MID1: variants seen among roughly 807,000 people sequenced by gnomAD.
MID1 encodes the protein midline 1.
MID1 carries 7 observed loss-of-function variants against 40.4 expected under a neutral mutation model. The ratio of observed to expected loss-of-function variants is 0.17; its 90% CI spans 0.10 to 0.33. The LOEUF is 0.33. MID1 is among the 10% of genes least tolerant of loss of function. MID1 has a pLI of 1.00. For missense variants in MID1, 367 were observed against 558.5 expected (o/e 0.66, Z 3.46); for synonymous variants, 229 against 221.2 (o/e 1.04, Z -0.31).
At chrX:10,810,696 C>CTCTG (rs1555926591) in intron 1 of MID1, among the ~76,000 whole-genome samples, 207 of 101,119 alleles carry the variant, frequency 2.0e-3, no homozygotes, top group African/African-American at 4.5e-3. Flanking sequence ...GTTGTTTTCT[C>CTCTG]TGTGTGTGTG....
At position 10,561,353 on chromosome X, in the gene MID1, C is replaced by A. The variant is rs781389797; in HGVS notation, c.660+5535G>T. Among the ~76,000 whole-genome samples the A allele has an allele frequency of 6.5e-4, 69 of 106,710 alleles. 6 individuals carry two copies. Among genetic ancestry groups the A allele is most frequent in the African/African-American group, 2.4e-3 (65 of 26,665 alleles). 92.7% of individuals were successfully genotyped at this position (106,710 alleles called of 115,157 possible). A position where few individuals can be genotyped will look rare whatever the true frequency, so the allele number is the denominator to read the frequency against. The stretch of plus-strand genomic sequence containing the variant: ...ACACCAAAAGCAATGGCAACAAAAG[C>A]CAAAATTGACAAATGGGATCTAATT... On this transcript the variant is annotated intron_variant, in intron 2 of 9. Transcript: ENST00000317552.
intron 1 of MID1, among the ~76,000 whole-genome samples, chrX:10,787,687 A>T (rs951101122): frequency 1.4e-4 from 14 of 103,410 alleles, no homozygotes; most frequent in African/African-American, 4.9e-4. Flanking sequence ...CTGGGATTAC[A>T]GGTCTGAGCC....
chrX:10,639,809 C>T (rs1211876014), intron 1 of MID1, among the ~76,000 whole-genome samples: 1 of 112,194 alleles, frequency 8.9e-6, no homozygotes, highest in African/African-American at 3.2e-5. Context: ...AGACTAACAG[C>T]TGATCTGTCG....
intron 1 of MID1, among the ~76,000 whole-genome samples, chrX:10,832,808 C>T (rs2044261187): frequency 8.9e-6 from 1 of 112,045 alleles, no homozygotes; most frequent in South Asian, 3.7e-4. Flanking sequence ...CCCTGCAAGT[C>T]TGTTAAACAC....
chrX:10,457,303 C>T (rs190663915), intron 8 of MID1, among the ~76,000 whole-genome samples: 1 of 111,391 alleles, frequency 9.0e-6, no homozygotes, highest in African/African-American at 3.3e-5. Flanking sequence ...CACACCCTCA[C>T]CCACGCATGT....
chrX:10,789,544 A>G (rs765875542), intron 1 of MID1, among the ~76,000 whole-genome samples: 16 of 112,367 alleles, frequency 1.4e-4, no homozygotes, highest in Non-Finnish European at 2.6e-4. Context: ...GTACAGTCAC[A>G]TGCTGTGCAG....
chrX:10,688,171 A>T (rs899912046), intron 1 of MID1, among the ~76,000 whole-genome samples: 4 of 112,074 alleles, frequency 3.6e-5, no homozygotes, highest in Non-Finnish European at 7.5e-5. Context: ...ACATTTTTTT[A>T]AAATCTCTTT....
chrX:10,783,009 C>T (rs1339268031), intron 1 of MID1, among the ~76,000 whole-genome samples: 1 of 112,120 alleles, frequency 8.9e-6, no homozygotes. Flanking sequence ...GATCAACAAT[C>T]TTTCCACCAC....
intron 1 of MID1, among the ~76,000 whole-genome samples, chrX:10,817,344 C>G (rs1190779878): frequency 1.8e-5 from 2 of 111,429 alleles, no homozygotes; most frequent in Non-Finnish European, 1.9e-5. Context: ...GCAAAACAAA[C>G]AAATCATTTG....
intron 2 of MID1, among the ~76,000 whole-genome samples, chrX:10,565,630 CTTTCT>C (rs975001587): frequency 1.8e-5 from 2 of 111,375 alleles, no homozygotes; most frequent in Admixed American, 9.5e-5. Context: ...TTTATACTTC[CTTTCT>C]TTTAATTGGT....
intron 1 of MID1, among the ~76,000 whole-genome samples, chrX:10,616,106 C>T (rs894808311): frequency 1.8e-5 from 2 of 111,975 alleles, no homozygotes; most frequent in African/African-American, 6.5e-5. Flanking sequence ...CTTCCGACCA[C>T]GGGAACTTCA....
rs1929915839 is a variant in MID1 at position 10,474,894 on chromosome X, A to T, written c.1014-144T>A. The T allele has an allele frequency of 5.4e-6, 3 of 553,268 alleles. No homozygotes were observed. The African/African-American group carries it at 6.8e-5, about 13-fold the overall frequency. 45.6% of individuals were successfully genotyped at this position (553,268 alleles called of 1,213,427 possible). On this transcript the variant is annotated intron_variant, in intron 5 of 9. Transcript: ENST00000317552. ...GTTTTAAGAGGCATCTCAAAATGTC[A>T]CAACACAGTAACATAAAACAAATGA... is the stretch of plus-strand genomic sequence containing the variant.
chrX:10,711,134 C>T (rs7065470), intron 1 of MID1, among the ~76,000 whole-genome samples: 10,823 of 111,347 alleles, frequency 0.097, 844 homozygotes, highest in African/African-American at 0.26. Flanking sequence ...TTTTAGTACC[C>T]TTCCTCCCTT....
chrX:10,811,295 T>C (rs758823425), intron 1 of MID1, among the ~76,000 whole-genome samples: 2 of 112,337 alleles, frequency 1.8e-5, no homozygotes, highest in Admixed American at 9.5e-5. Flanking sequence ...GACTGCGTAA[T>C]TTGGTTTTAC....
intron 1 of MID1, among the ~76,000 whole-genome samples, chrX:10,768,636 A>G (rs1602566302): frequency 1.8e-5 from 2 of 111,556 alleles, no homozygotes; most frequent in African/African-American, 6.5e-5. Flanking sequence ...ATACAAGAAT[A>G]TTAGTTCTGA....
At chrX:10,648,368 A>G (rs1006480734) in intron 1 of MID1, among the ~76,000 whole-genome samples, 6 of 111,836 alleles carry the variant, frequency 5.4e-5, no homozygotes, top group Non-Finnish European at 1.1e-4. Context: ...GTGTTTTTAA[A>G]GCCACTATAA....
chrX:10,787,972 T>C (rs1269178438), intron 1 of MID1, among the ~76,000 whole-genome samples: 1 of 110,979 alleles, frequency 9.0e-6, no homozygotes, highest in Non-Finnish European at 1.9e-5. Context: ...AATGGTGAAA[T>C]AGGTATCACC....
intron 1 of MID1, among the ~76,000 whole-genome samples, chrX:10,613,969 C>T (rs1935797570): frequency 9.3e-6 from 1 of 107,905 alleles, no homozygotes; most frequent in Non-Finnish European, 1.9e-5. Flanking sequence ...GGAGCATTTT[C>T]CATTCTCTTT....
intron 1 of MID1, among the ~76,000 whole-genome samples, chrX:10,636,784 GGATATATATATATATATA>G (rs1936117397): frequency 8.2e-5 from 1 of 12,157 alleles, no homozygotes; most frequent in African/African-American, 4.3e-4. Flanking sequence ...CCAACAATGG[GGATATATATATATATATA>G]TATATATATA....
Sources: gnomAD v4.1 joint callset for allele counts (sites outside exome capture counted in the v4.1 genomes callset) on GRCh38, gnomAD v4.1.1 for gene constraint, MANE v1.5 for transcripts, NCBI Gene and HGNC (gene_info 2026-07-23, HGNC 2026-07-21) for gene names.